The following DDHD1 variants were observed in gnomAD, a reference collection of about 807,000 sequenced individuals.
DDHD1 encodes phospholipase DDHD1.
A neutral mutation model predicts 96.4 loss-of-function variants in DDHD1; 49 were observed. The ratio of observed to expected loss-of-function variants is 0.51; its 90% CI spans 0.40 to 0.64. The LOEUF (loss-of-function observed/expected upper bound fraction) is 0.64. Among genes scored for constraint, DDHD1 ranks in the 30% least tolerant of loss-of-function variants. DDHD1 has a pLI of 0.00. For missense variants in DDHD1, 1,106 were observed against 1,161.2 expected, an observed-to-expected ratio of 0.95 and a Z score of 0.69; for synonymous variants, 442 against 446.5, an observed-to-expected ratio of 0.99 and a Z score of 0.13.
chr14:53,131,699 C>T (rs1410989038), intron 1 of DDHD1, among the ~76,000 whole-genome samples: 1 of 152,114 alleles, frequency 6.6e-6, no homozygotes, highest in Non-Finnish European at 1.5e-5. Context: ...AGCCCTTTTT[C>T]ATGATTTACT....
chr14:53,105,887 T>G (rs1887651707), intron 1 of DDHD1, among the ~76,000 whole-genome samples: 1 of 152,164 alleles, frequency 6.6e-6, no homozygotes. Flanking sequence ...TATTTTTTTA[T>G]TTTTTGTACT....
At chr14:53,060,677 C>T (rs72688257) in intron 8 of DDHD1, among the ~76,000 whole-genome samples, 7,826 of 152,172 alleles carry the variant, frequency 0.051, 273 homozygotes, top group Non-Finnish European at 0.073. Context: ...TTTTTCTTTA[C>T]CACTATTCTA....
chr14:53,043,281 T>C lies in DDHD1; in HGVS notation c.*3487A>G, dbSNP rs915187191. 1.3e-5 allele frequency: 2 copies of C among 152,178 alleles called. No homozygotes were observed. The highest frequency in any genetic ancestry group is 6.6e-5 in the Admixed American group (1 of 15,264). The allele number at this position is 152,178 out of a possible 1,614,324, so 9.4% of individuals were successfully genotyped here. ...TAGCGTGAGTATTCAGCATGAAGCA[T>C]GTTCAGTGTGAGTACTTCAAAAGAT... On this transcript the variant is annotated 3_prime_UTR_variant, in exon 13 of 13. Transcript: ENST00000673822.
rs1883731996 is a variant in DDHD1 at position 53,063,045 on chromosome 14, A to C, written c.1664T>G (p.Leu555Arg). The stretch of plus-strand genomic sequence containing the variant: ...TTCCTTTTGCAGCAACTGTTCATAC[A>C]GCCGAACTGGATTCCAGCCAGTCAT... ...DIMTGWNPVR[L>R]YEQLLQKEEE... The change falls in exon 7 of 13, where the codon CTG becomes CGG. Residue 555 changes from leucine (L) to arginine (R), a missense_variant. Leu to Arg is a moderately radical substitution (Grantham distance 102). Transcript: ENST00000673822. The C allele has an allele frequency of 1.2e-6, 2 of 1,614,162 alleles. No individual in the cohort carries two copies. The highest frequency in any genetic ancestry group is 2.2e-5 in the South Asian group (2 of 91,084).
chr14:53,101,535 T>C (rs1166862385), intron 2 of DDHD1, among the ~76,000 whole-genome samples: 3 of 152,072 alleles, frequency 2.0e-5, no homozygotes, highest in Admixed American at 6.5e-5. Context: ...AAAAGTGTTC[T>C]AATAATTTAA....
At chr14:53,100,719 A>G (rs974684032) in intron 2 of DDHD1, among the ~76,000 whole-genome samples, 1 of 152,220 alleles carries the variant, frequency 6.6e-6, no homozygotes, top group Non-Finnish European at 1.5e-5. Context: ...CCTGAAGGCA[A>G]GAACTATTAG....
chr14:53,101,398 A>G (rs969542345), intron 2 of DDHD1, among the ~76,000 whole-genome samples: 4 of 152,148 alleles, frequency 2.6e-5, no homozygotes, highest in African/African-American at 4.8e-5. Context: ...TGACAAAGAT[A>G]TGTTCAGTTG....
At chr14:53,123,406 C>T (rs1041007119) in intron 1 of DDHD1, among the ~76,000 whole-genome samples, 1 of 151,930 alleles carries the variant, frequency 6.6e-6, no homozygotes, top group African/African-American at 2.4e-5. Flanking sequence ...CCTCGGCCAC[C>T]CAAAGTGCTG....
At chr14:53,089,719 A>G (rs1352629167) in intron 4 of DDHD1, among the ~76,000 whole-genome samples, 1 of 152,226 alleles carries the variant, frequency 6.6e-6, no homozygotes, top group African/African-American at 2.4e-5. Context: ...TTAAGGACTT[A>G]AATGTTAGAC....
At position 53,044,630 on chromosome 14, in the gene DDHD1, AAGTT is replaced by A. The variant is rs1401506207; in HGVS notation, c.*2134_*2137del. ...ATGACCTGAGTTCATAGGAATCTCT[AAGTT>A]AGAGATAATTTAGCTTTGCTAAGAT... On this transcript the variant is annotated 3_prime_UTR_variant, in exon 13 of 13. Coordinates refer to ENST00000673822, the MANE Select transcript of DDHD1 (RefSeq NM_001160148.2). 1 of 152,212 alleles carries A rather than the reference AAGTT, an allele frequency of 6.6e-6. No homozygotes were observed. Among genetic ancestry groups the A allele is most frequent in the Non-Finnish European group, 1.5e-5 (1 of 68,026 alleles). The allele number at this position is 152,212 out of a possible 1,614,324, so 9.4% of individuals were successfully genotyped here.
intron 1 of DDHD1, among the ~76,000 whole-genome samples, chr14:53,126,797 A>C (rs777561450): frequency 5.3e-5 from 8 of 152,192 alleles, no homozygotes; most frequent in Non-Finnish European, 8.8e-5. Flanking sequence ...GAATTAATGA[A>C]ATTAAAGTTT....
intron 4 of DDHD1, among the ~76,000 whole-genome samples, chr14:53,080,636 A>G (rs180719791): frequency 1.3e-5 from 2 of 150,254 alleles, no homozygotes; most frequent in South Asian, 2.1e-4. Flanking sequence ...AATTTTCTCT[A>G]TTCCTAAGTT....
At chr14:53,073,319 C>A (rs1002944390) in intron 5 of DDHD1, among the ~76,000 whole-genome samples, 1 of 151,896 alleles carries the variant, frequency 6.6e-6, no homozygotes, top group Non-Finnish European at 1.5e-5. Flanking sequence ...AACAAAAAAC[C>A]TGAGATTTTT....
chr14:53,145,286 C>T (rs1890899249), intron 1 of DDHD1, among the ~76,000 whole-genome samples: 1 of 151,954 alleles, frequency 6.6e-6, no homozygotes, highest in Non-Finnish European at 1.5e-5. Context: ...GCTGCTTGAG[C>T]CCAGGAGTTT....
chr14:53,078,054 A>G (rs1885128280), intron 4 of DDHD1, among the ~76,000 whole-genome samples: 1 of 152,018 alleles, frequency 6.6e-6, no homozygotes, highest in Admixed American at 6.6e-5. Flanking sequence ...TGTTGCTTCC[A>G]TTTTTGGGCT....
intron 4 of DDHD1, among the ~76,000 whole-genome samples, chr14:53,078,007 A>G (rs1287677926): frequency 6.6e-6 from 1 of 152,098 alleles, no homozygotes; most frequent in Non-Finnish European, 1.5e-5. Flanking sequence ...TGGATACGCC[A>G]CTTTTGTTTA....
intron 1 of DDHD1, 148 bp downstream of exon 1, chr14:53,152,113 G>GAAGGAGCAGGTGTAGAT: frequency 8.4e-6 from 7 of 833,722 alleles, no homozygotes; most frequent in Admixed American, 6.4e-5. Context: ...AGCTGCCGAC[G>GAAGGAGCAGGTGTAGAT]CTCCCTGCTC....
At chr14:53,086,195 G>A (rs1374407190) in intron 4 of DDHD1, among the ~76,000 whole-genome samples, 1 of 152,156 alleles carries the variant, frequency 6.6e-6, no homozygotes, top group South Asian at 2.1e-4. Context: ...TGAAAGTGAC[G>A]GGGAGAACTG....
chr14:53,038,555 A>G lies in DDHD1; in HGVS notation c.*8213T>C, dbSNP rs1166586373. 6.6e-6 allele frequency: 1 copy of G among 152,202 alleles called. No homozygotes were observed. The highest frequency in any genetic ancestry group is 1.5e-5 in the Non-Finnish European group (1 of 68,038). The allele number at this position is 152,202 out of a possible 1,614,324, so 9.4% of individuals were successfully genotyped here. A position where few individuals can be genotyped will look rare whatever the true frequency, so the allele number is the denominator to read the frequency against. On this transcript the variant is annotated 3_prime_UTR_variant, in exon 13 of 13. Transcript: ENST00000673822. ...ATGGAAAAACATTCCATGTTCATGG[A>G]TTGGAAGAATCAATATAGTTTAAAA...
Sources: gnomAD v4.1 joint callset for allele counts (sites outside exome capture counted in the v4.1 genomes callset) on GRCh38, gnomAD v4.1.1 for gene constraint, MANE v1.5 for transcripts, NCBI Gene and HGNC (gene_info 2026-07-23, HGNC 2026-07-21) for gene names.